The following ZNF532 variants were observed in gnomAD, a reference collection of about 807,000 sequenced individuals.
ZNF532 encodes the protein zinc finger protein 532.
In ZNF532, 22 loss-of-function variants were observed where a neutral mutation model predicts 89.3. The observed-to-expected ratio is 0.25, with a 90% CI of 0.18 to 0.35. ZNF532 has a LOEUF of 0.35. ZNF532 is among the 10% of genes least tolerant of loss of function. ZNF532 has a pLI of 1.00. For synonymous variants in ZNF532, 606 were observed against 649.6 expected (o/e 0.93, Z 1.02); for missense variants, 1,132 against 1,643.4 (o/e 0.69, Z 5.38).
intron 3 of ZNF532, among the ~76,000 whole-genome samples, chr18:58,929,377 G>A (rs577732754): frequency 1.8e-4 from 28 of 152,270 alleles, no homozygotes; most frequent in African/African-American, 4.8e-4. Context: ...CTCGTGAGCA[G>A]CCTCTGCTGG....
chr18:58,948,290 C>T, intron 6 of ZNF532, 61 bp downstream of exon 6: 1 of 1,510,472 alleles, frequency 6.6e-7, no homozygotes, highest in South Asian at 1.3e-5. Context: ...GGTCATAAAT[C>T]AAGGCTGAGC....
chr18:58,946,444 T>C (rs2063670557), intron 5 of ZNF532, among the ~76,000 whole-genome samples: 1 of 152,092 alleles, frequency 6.6e-6, no homozygotes, highest in Admixed American at 6.6e-5. Context: ...GCTAATTTTT[T>C]GTATTTTTAG....
intron 7 of ZNF532, among the ~76,000 whole-genome samples, chr18:58,955,753 C>CT (rs771952626): frequency 3.9e-5 from 6 of 152,226 alleles, no homozygotes; most frequent in Non-Finnish European, 8.8e-5. Context: ...ATATATTTGG[C>CT]TTTAGTGGCA....
chr18:58,879,739 A>C (rs563844698), intron 2 of ZNF532, among the ~76,000 whole-genome samples: 189 of 152,230 alleles, frequency 1.2e-3, no homozygotes, highest in Non-Finnish European at 2.1e-3. Flanking sequence ...TACATTAAAA[A>C]CAACACTGTT....
intron 2 of ZNF532, among the ~76,000 whole-genome samples, chr18:58,897,738 A>G (rs2059340268): frequency 6.6e-6 from 1 of 152,214 alleles, no homozygotes; most frequent in Non-Finnish European, 1.5e-5. Context: ...AGATCACCTG[A>G]GATCAGGAGT....
At chr18:58,928,292 G>A (rs1239142278) in intron 3 of ZNF532, among the ~76,000 whole-genome samples, 1 of 152,062 alleles carries the variant, frequency 6.6e-6, no homozygotes, top group African/African-American at 2.4e-5. Context: ...GGAAGGTTTG[G>A]GTGGCATTTG....
intron 5 of ZNF532, among the ~76,000 whole-genome samples, chr18:58,941,955 C>CCTCCCTCT (rs201644710): frequency 0.021 from 2,859 of 133,154 alleles, 46 homozygotes; most frequent in Middle Eastern, 0.051. Flanking sequence ...TCCTTTCCTC[C>CCTCCCTCT]CTCCCTCTCT....
intron 2 of ZNF532, among the ~76,000 whole-genome samples, chr18:58,885,058 G>A (rs1031878509): frequency 6.7e-6 from 1 of 149,944 alleles, no homozygotes; most frequent in Non-Finnish European, 1.5e-5. Context: ...GCATGATCAC[G>A]GCTCACCGCA....
chr18:58,964,266 A>G (rs557071832), intron 7 of ZNF532: 1 of 152,198 alleles, frequency 6.6e-6, no homozygotes, highest in Admixed American at 6.5e-5. Context: ...AAAATTTTTT[A>G]AAAAACCAGT....
At chr18:58,944,174 G>T (rs374532389) in intron 5 of ZNF532, among the ~76,000 whole-genome samples, 1 of 152,206 alleles carries the variant, frequency 6.6e-6, no homozygotes, top group African/African-American at 2.4e-5. Context: ...GGATTCAGTT[G>T]ATGGTAATGT....
intron 3 of ZNF532, 123 bp from the exon 4 acceptor site, chr18:58,934,310 G>T: frequency 1.1e-6 from 1 of 904,034 alleles, no homozygotes; most frequent in Non-Finnish European, 1.7e-6. Flanking sequence ...CTTGGGCTTA[G>T]AATCAATTAC....
intron 4 of ZNF532, among the ~76,000 whole-genome samples, chr18:58,938,614 T>C (rs1177895574): frequency 6.6e-6 from 1 of 152,248 alleles, no homozygotes; most frequent in African/African-American, 2.4e-5. Flanking sequence ...TGACCTTCTC[T>C]ATCCTGTGGA....
At chr18:58,927,629 A>G (rs940913107) in intron 3 of ZNF532, among the ~76,000 whole-genome samples, 2 of 151,794 alleles carry the variant, frequency 1.3e-5, no homozygotes, top group African/African-American at 4.8e-5. Context: ...TTTTATATAT[A>G]ATGTTCAGGG....
intron 5 of ZNF532, among the ~76,000 whole-genome samples, chr18:58,945,964 T>C (rs1388297498): frequency 6.6e-6 from 1 of 152,066 alleles, no homozygotes; most frequent in Non-Finnish European, 1.5e-5. Context: ...CTCCTGACCT[T>C]GTGATCCGCC....
chr18:58,902,858 G>A (rs2059688836), intron 2 of ZNF532, among the ~76,000 whole-genome samples: 1 of 152,120 alleles, frequency 6.6e-6, no homozygotes, highest in Admixed American at 6.5e-5. Context: ...TAGGAGAAAG[G>A]CTGTGCTTTT....
rs2061361824 is a variant in ZNF532 at position 58,924,337 on chromosome 18, C to T, written c.2346+3704C>T. On this transcript the variant is annotated intron_variant, in intron 3 of 9. Coordinates refer to ENST00000591808, the MANE Select transcript of ZNF532 (RefSeq NM_001375912.1). ...GTGCAGTTTAAGCCTGTGCCTGTGGCTCTGGGGCAGGATGCCCTGGGTCTG... is the reference window on the plus strand; with the variant it reads ...GTGCAGTTTAAGCCTGTGCCTGTGGTTCTGGGGCAGGATGCCCTGGGTCTG... Among the ~76,000 whole-genome samples the T allele has an allele frequency of 2.0e-5, 3 of 152,230 alleles. No individual in the cohort carries two copies. In the South Asian group the frequency reaches 6.2e-4, roughly 32 times the overall value.
chr18:58,985,922 T>C lies in ZNF532; in HGVS notation c.*1456T>C, dbSNP rs1005843838. The C allele has an allele frequency of 5.9e-5, 9 of 152,740 alleles. No homozygotes were observed. The highest frequency in any genetic ancestry group is 1.7e-4 in the African/African-American group (7 of 41,564). The allele number at this position is 152,740 out of a possible 1,614,324, so 9.5% of individuals were successfully genotyped here. ...ATAACTGTATGAAACACATTTCATA[T>C]GTAAATAAACGTGGGACATTTGGCC... On this transcript the variant is annotated 3_prime_UTR_variant, in exon 10 of 10. Coordinates refer to ENST00000591808, the MANE Select transcript of ZNF532 (RefSeq NM_001375912.1).
intron 7 of ZNF532, chr18:58,954,140 C>CT (rs2064506978): frequency 1.0e-6 from 1 of 969,536 alleles, no homozygotes. Flanking sequence ...CTTGTGCCAG[C>CT]TAAGGAAGAA....
chr18:58,970,292 A>G (rs2066346906), intron 7 of ZNF532, among the ~76,000 whole-genome samples: 1 of 152,218 alleles, frequency 6.6e-6, no homozygotes, highest in Non-Finnish European at 1.5e-5. Flanking sequence ...AAAAGATTCT[A>G]TAACTACTGT....
Sources: allele counts gnomAD v4.1 joint callset (sites outside exome capture counted in the v4.1 genomes callset), GRCh38; gene constraint gnomAD v4.1.1; transcripts MANE v1.5; gene names NCBI Gene and HGNC (gene_info 2026-07-23, HGNC 2026-07-21).